The following PRKN variants were observed in gnomAD, a reference collection of about 807,000 sequenced individuals.
PRKN encodes E3 ubiquitin-protein ligase parkin.
PRKN carries 56 observed loss-of-function variants against 59.5 expected under a neutral mutation model. That is an observed-to-expected ratio of 0.94 (90% CI 0.76 to 1.18). PRKN has a LOEUF of 1.18. Among genes scored for constraint, PRKN ranks in the 50% most tolerant of loss-of-function variants. The probability of loss-of-function intolerance (pLI) is 0.00; values close to 1 mark genes in which losing one functional copy is unlikely to be tolerated. For synonymous variants in PRKN, 250 were observed against 222.1 expected (o/e 1.13, Z -1.12); for missense variants, 657 against 596.4 (o/e 1.10, Z -1.06).
At chr6:161,858,286 G>A (rs1453460613) in intron 6 of PRKN, among the ~76,000 whole-genome samples, 2 of 152,082 alleles carry the variant, frequency 1.3e-5, no homozygotes, top group African/African-American at 4.8e-5. Flanking sequence ...AAACTGTTAC[G>A]GGAATTTCTG....
intron 2 of PRKN, among the ~76,000 whole-genome samples, chr6:162,430,509 C>A (rs9458548): frequency 6.6e-6 from 1 of 151,892 alleles, no homozygotes; most frequent in African/African-American, 2.4e-5. Flanking sequence ...ATAATGGGTG[C>A]CCAATAAAAG....
At chr6:161,800,479 C>A (rs1791034093) in intron 6 of PRKN, among the ~76,000 whole-genome samples, 1 of 152,160 alleles carries the variant, frequency 6.6e-6, no homozygotes, top group Non-Finnish European at 1.5e-5. Context: ...TGATAATGAG[C>A]CTGGTAACAA....
chr6:161,359,432 G>C lies in PRKN; in HGVS notation c.1285+656C>G, dbSNP rs1784892340. ...AGCTGATGCTCATTAAGGAGAAGCT[G>C]GGAGAGGCTGCGCCTGGCTTCGTGT... On this transcript the variant is annotated intron_variant, in intron 11 of 11. Coordinates refer to ENST00000366898, the MANE Select transcript of PRKN (RefSeq NM_004562.3). This position sits in a 1 kb window ranked among gnomAD's most constrained non-coding sequence, Gnocchi z 5.4. Among the ~76,000 whole-genome samples, 1 of 152,228 alleles carries C rather than the reference G, an allele frequency of 6.6e-6. No individual in the cohort carries two copies. Among genetic ancestry groups the C allele is most frequent in the African/African-American group, 2.4e-5 (1 of 41,464 alleles).
chr6:161,663,920 TC>T (rs1169966669), intron 7 of PRKN, among the ~76,000 whole-genome samples: 1 of 152,104 alleles, frequency 6.6e-6, no homozygotes, highest in Non-Finnish European at 1.5e-5. Flanking sequence ...TGGCTTTGGC[TC>T]CGCCCCTAGC....
chr6:162,114,143 T>C (rs1183737631), intron 4 of PRKN, among the ~76,000 whole-genome samples: 1 of 152,094 alleles, frequency 6.6e-6, no homozygotes, highest in Admixed American at 6.6e-5. Context: ...TGAAGTCAGG[T>C]AGCGTGATGC....
intron 3 of PRKN, among the ~76,000 whole-genome samples, chr6:162,213,804 T>TACACACACACAC (rs58192789): frequency 7.9e-6 from 1 of 126,582 alleles, no homozygotes; most frequent in African/African-American, 3.0e-5. Flanking sequence ...AAAAAAACCA[T>TACACACACACAC]ACACACACAC....
At chr6:162,145,928 G>A (rs1346700610) in intron 4 of PRKN, among the ~76,000 whole-genome samples, 1 of 152,202 alleles carries the variant, frequency 6.6e-6, no homozygotes, top group Non-Finnish European at 1.5e-5. Flanking sequence ...GTTGCAGACA[G>A]CACCAATCAG....
intron 6 of PRKN, among the ~76,000 whole-genome samples, chr6:161,903,986 C>A (rs1352738260): frequency 6.6e-6 from 1 of 151,704 alleles, no homozygotes; most frequent in Non-Finnish European, 1.5e-5. Context: ...AAGCAGAGTG[C>A]AGACTGTCCC....
At chr6:162,109,075 T>C (rs1780310459) in intron 4 of PRKN, among the ~76,000 whole-genome samples, 1 of 152,136 alleles carries the variant, frequency 6.6e-6, no homozygotes. Context: ...ATGAAGAAAT[T>C]TCTAGAAAAG....
chr6:162,230,899 C>T (rs6926858), intron 3 of PRKN, among the ~76,000 whole-genome samples: 25,623 of 152,174 alleles, frequency 0.17, 2,982 homozygotes, highest in East Asian at 0.59. Flanking sequence ...TTGTAGCTTT[C>T]TGATCTTCTT....
At chr6:162,471,551 T>A (rs1317135049) in intron 1 of PRKN, among the ~76,000 whole-genome samples, 3 of 152,238 alleles carry the variant, frequency 2.0e-5, no homozygotes, top group African/African-American at 7.2e-5. Flanking sequence ...AATTTACAAT[T>A]AATTGCTTAT....
chr6:162,691,390 G>A (rs1777768973), intron 1 of PRKN, among the ~76,000 whole-genome samples: 1 of 151,926 alleles, frequency 6.6e-6, no homozygotes, highest in South Asian at 2.1e-4. Flanking sequence ...GCTACATAAT[G>A]GATTAGTGTC....
chr6:162,450,679 A>T (rs1445370911), intron 1 of PRKN, among the ~76,000 whole-genome samples: 2 of 152,148 alleles, frequency 1.3e-5, no homozygotes, highest in African/African-American at 4.8e-5. Flanking sequence ...GGGACGTTGT[A>T]AAAAACACCT....
intron 1 of PRKN, among the ~76,000 whole-genome samples, chr6:162,509,196 C>G (rs112818600): frequency 2.3e-4 from 35 of 152,226 alleles, no homozygotes; most frequent in African/African-American, 8.2e-4. Flanking sequence ...TCCATTAAAC[C>G]CCGAGTTTGC....
intron 5 of PRKN, among the ~76,000 whole-genome samples, chr6:161,986,158 C>A (rs534210872): frequency 6.6e-6 from 1 of 152,270 alleles, no homozygotes; most frequent in Non-Finnish European, 1.5e-5. Context: ...TCCTAGAAAT[C>A]TCTGCATAAA....
At chr6:162,656,120 C>A (rs1562473593) in intron 1 of PRKN, among the ~76,000 whole-genome samples, 1 of 152,132 alleles carries the variant, frequency 6.6e-6, no homozygotes, top group Admixed American at 6.5e-5. Context: ...CGTACATTTA[C>A]AACAGTACCA....
chr6:161,596,798 T>A (rs369427727), intron 7 of PRKN, among the ~76,000 whole-genome samples: 26 of 152,304 alleles, frequency 1.7e-4, no homozygotes, highest in African/African-American at 6.3e-4. Context: ...AACTCCTATC[T>A]TTGCCTACAC....
In PRKN at chr6:161,475,215, T is replaced by C. The variant is rs1174284297; in HGVS notation, c.1083+73639A>G. Among the ~76,000 whole-genome samples the C allele has an allele frequency of 6.6e-6, 1 of 152,188 alleles. No individual in the cohort carries two copies. The highest frequency in any genetic ancestry group is 2.4e-5 in the African/African-American group (1 of 41,454). ...ACTATTACCTATACTTATAGTAGAT[T>C]GCATGTGATCGCTGCTGTCCTATCA... On this transcript the variant is annotated intron_variant, in intron 9 of 11. Transcript: ENST00000366898. This position sits in a 1 kb window ranked among gnomAD's most constrained non-coding sequence, Gnocchi z 5.3.
At chr6:162,646,755 C>G (rs1028743736) in intron 1 of PRKN, among the ~76,000 whole-genome samples, 7 of 152,248 alleles carry the variant, frequency 4.6e-5, no homozygotes, top group Middle Eastern at 3.4e-3. Flanking sequence ...GGTAGAGCCT[C>G]CTGCTCCTGG....
Sources: allele counts gnomAD v4.1 joint callset (sites outside exome capture counted in the v4.1 genomes callset), GRCh38; gene constraint gnomAD v4.1.1; non-coding constraint Gnocchi (gnomAD v3.1); transcripts MANE v1.5; gene names NCBI Gene and HGNC (gene_info 2026-07-23, HGNC 2026-07-21).